The following PRKN variants were observed in gnomAD, a reference collection of about 807,000 sequenced individuals.
PRKN encodes E3 ubiquitin-protein ligase parkin.
A neutral mutation model predicts 59.5 loss-of-function variants in PRKN; 56 were observed. The ratio of observed to expected loss-of-function variants is 0.94; its 90% CI spans 0.76 to 1.18. The LOEUF is 1.18. Ranked by LOEUF, PRKN falls within the 50% of genes most tolerant of loss-of-function variation. PRKN has a pLI of 0.00. For missense variants in PRKN, 657 were observed against 596.4 expected, an observed-to-expected ratio of 1.10 and a Z score of -1.06; for synonymous variants, 250 against 222.1, an observed-to-expected ratio of 1.13 and a Z score of -1.12.
chr6:162,556,486 C>T (rs905908980), intron 1 of PRKN, among the ~76,000 whole-genome samples: 1 of 151,444 alleles, frequency 6.6e-6, no homozygotes, highest in African/African-American at 2.4e-5. Flanking sequence ...CAGTGGTTCA[C>T]ACCTGTAATC....
chr6:162,634,465 T>C (rs1777633371), intron 1 of PRKN, among the ~76,000 whole-genome samples: 1 of 152,168 alleles, frequency 6.6e-6, no homozygotes. Flanking sequence ...ATAGCTGTGA[T>C]CACTTCCCAC....
chr6:161,867,059 G>A (rs1172280257), intron 6 of PRKN, among the ~76,000 whole-genome samples: 1 of 152,152 alleles, frequency 6.6e-6, no homozygotes, highest in Non-Finnish European at 1.5e-5. Flanking sequence ...ATCCAGGTCT[G>A]AACCATGCAT....
chr6:161,962,687 C>T (rs912512586), intron 6 of PRKN, among the ~76,000 whole-genome samples: 3 of 151,994 alleles, frequency 2.0e-5, no homozygotes, highest in Admixed American at 6.5e-5. Context: ...CAGGTGCACA[C>T]CACCATGCCT....
chr6:162,076,146 T>C (rs1778818318), intron 4 of PRKN, among the ~76,000 whole-genome samples: 2 of 151,906 alleles, frequency 1.3e-5, no homozygotes, highest in South Asian at 4.1e-4. Flanking sequence ...TTTTTGTATT[T>C]TTAGTAGAGA....
intron 5 of PRKN, among the ~76,000 whole-genome samples, chr6:162,012,359 A>G (rs1052029325): frequency 4.6e-5 from 7 of 152,060 alleles, no homozygotes; most frequent in Non-Finnish European, 8.8e-5. Flanking sequence ...AAGTAAGTTA[A>G]AAAAGAAAGT....
At chr6:162,702,351 T>G in intron 1 of PRKN, among the ~76,000 whole-genome samples, 1 of 152,234 alleles carries the variant, frequency 6.6e-6, no homozygotes, top group South Asian at 2.1e-4. Context: ...CATATTCTAC[T>G]TCCTTCATAG....
At position 161,438,218 on chromosome 6, in the gene PRKN, T is replaced by A. The variant is rs1032682417; in HGVS notation, c.1084-51341A>T. ...ACTTACAGGGAGAATTCTGTTAATT[T>A]TTTTTTTTTTTTTTTTTTGAGACAG... On this transcript the variant is annotated intron_variant, in intron 9 of 11. Coordinates refer to ENST00000366898, the MANE Select transcript of PRKN (RefSeq NM_004562.3). Among the ~76,000 whole-genome samples the A allele has an allele frequency of 2.0e-3, 289 of 142,094 alleles. 1 individual carries two copies. The highest frequency in any genetic ancestry group is 7.2e-3 in the African/African-American group (273 of 37,980). The allele number at this position is 142,094 out of a possible 152,430, so 93.2% of individuals were successfully genotyped here. A position where few individuals can be genotyped will look rare whatever the true frequency, so the allele number is the denominator to read the frequency against.
chr6:162,078,604 T>A (rs1253154717), intron 4 of PRKN, among the ~76,000 whole-genome samples: 3 of 152,106 alleles, frequency 2.0e-5, no homozygotes, highest in Non-Finnish European at 4.4e-5. Context: ...TTAAGTTTGA[T>A]AAAAAAGCCA....
At chr6:162,253,065 G>A (rs891979603) in intron 3 of PRKN, among the ~76,000 whole-genome samples, 1 of 152,190 alleles carries the variant, frequency 6.6e-6, no homozygotes, top group Non-Finnish European at 1.5e-5. Flanking sequence ...TGGTGGCCAG[G>A]ACGCTGTTGT....
chr6:162,560,853 C>CAAAAA (rs60391138), intron 1 of PRKN, among the ~76,000 whole-genome samples: 1,649 of 56,464 alleles, frequency 0.029, 152 homozygotes, highest in African/African-American at 0.11. Flanking sequence ...GAGAGAGAGG[C>CAAAAA]AAAAAAAAAA....
rs780288874 is a variant in PRKN at position 162,295,891 on chromosome 6, G to A, written c.172-33126C>T. The stretch of plus-strand genomic sequence containing the variant: ...CACCATCTGATGGCAGTGTGACAAG[G>A]AGCATTGTTAATACAGGAAGGGCTT... On this transcript the variant is annotated intron_variant, in intron 2 of 11. Coordinates refer to ENST00000366898, the MANE Select transcript of PRKN (RefSeq NM_004562.3). 7.9e-5 allele frequency among the ~76,000 whole-genome samples: 12 copies of A among 152,112 alleles called. 1 individual carries two copies. The highest frequency in any genetic ancestry group is 3.3e-4 in the Admixed American group (5 of 15,262).
chr6:162,363,065 T>C (rs1165145497), intron 2 of PRKN, among the ~76,000 whole-genome samples: 2 of 148,142 alleles, frequency 1.4e-5, no homozygotes, highest in African/African-American at 5.0e-5. Flanking sequence ...GAGGCAAAGC[T>C]TGCAGTGAGC....
At chr6:161,392,526 T>G (rs1470952697) in intron 9 of PRKN, among the ~76,000 whole-genome samples, 1 of 144,138 alleles carries the variant, frequency 6.9e-6, no homozygotes, top group Admixed American at 7.0e-5. Flanking sequence ...TCTCTCTCTC[T>G]CTCTCGCTAT....
At chr6:162,603,179 T>C (rs1005467544) in intron 1 of PRKN, among the ~76,000 whole-genome samples, 6 of 152,114 alleles carry the variant, frequency 3.9e-5, no homozygotes, top group Non-Finnish European at 5.9e-5. Flanking sequence ...GATTTCTCAG[T>C]TGTGAATTAT....
intron 1 of PRKN, among the ~76,000 whole-genome samples, chr6:162,677,906 GATA>G (rs1445459299): frequency 1.3e-5 from 2 of 152,102 alleles, no homozygotes; most frequent in East Asian, 3.9e-4. Context: ...CAACAATCGA[GATA>G]ATGAGTACAT....
At chr6:162,284,359 G>A (rs930988669) in intron 2 of PRKN, among the ~76,000 whole-genome samples, 4 of 151,394 alleles carry the variant, frequency 2.6e-5, no homozygotes, top group African/African-American at 9.7e-5. Flanking sequence ...CAAGTAGCTG[G>A]GATTACAGAC....
chr6:162,128,409 T>A (rs775535178), intron 4 of PRKN, among the ~76,000 whole-genome samples: 2 of 152,074 alleles, frequency 1.3e-5, no homozygotes, highest in African/African-American at 4.8e-5. Context: ...CATCAAAGCA[T>A]TGGATTTTTA....
intron 6 of PRKN, among the ~76,000 whole-genome samples, chr6:161,846,727 C>T (rs1368783857): frequency 6.6e-6 from 1 of 152,178 alleles, no homozygotes; most frequent in Non-Finnish European, 1.5e-5. Flanking sequence ...TTGGGTCCCA[C>T]CTTACCAAAT....
chr6:162,294,825 T>C (rs1781595288), intron 2 of PRKN, among the ~76,000 whole-genome samples: 1 of 152,088 alleles, frequency 6.6e-6, no homozygotes, highest in African/African-American at 2.4e-5. Context: ...ATGTAAGTAA[T>C]GCAGATTCAG....
Sources: gnomAD v4.1 joint callset for allele counts (sites outside exome capture counted in the v4.1 genomes callset) on GRCh38, gnomAD v4.1.1 for gene constraint, MANE v1.5 for transcripts, NCBI Gene and HGNC (gene_info 2026-07-23, HGNC 2026-07-21) for gene names.